The following CLVS1 variants were observed in gnomAD, a reference collection of about 807,000 sequenced individuals.
CLVS1 encodes the protein clavesin 1, also known as clavesin-1.
Under a neutral mutation model 33.1 loss-of-function variants are expected in CLVS1, and 10 were observed. The ratio of observed to expected loss-of-function variants is 0.30; its 90% CI spans 0.19 to 0.51. The LOEUF (loss-of-function observed/expected upper bound fraction) is 0.51. Ranked by LOEUF, CLVS1 falls within the 20% of genes least tolerant of loss-of-function variation. CLVS1 has a pLI of 0.97. For missense variants in CLVS1, 343 were observed against 433.4 expected (o/e 0.79, Z 1.85); for synonymous variants, 163 against 166.1 (o/e 0.98, Z 0.14).
In CLVS1 at chr8:61,347,488, A is replaced by C. The variant is rs548705205; in HGVS notation, c.456-29117A>C. Among the ~76,000 whole-genome samples, 6 of 151,740 alleles carry C rather than the reference A, an allele frequency of 4.0e-5. No homozygotes were observed. The South Asian group carries it at 1.3e-3, about 32-fold the overall frequency. ...TGGCATGTGGGGGGCTGGGGATATTAATATATGTTGGTCAAAGGATATAGA... is the reference window on the plus strand; with the variant it reads ...TGGCATGTGGGGGGCTGGGGATATTCATATATGTTGGTCAAAGGATATAGA... On this transcript the variant is annotated intron_variant, in intron 2 of 5. Coordinates refer to ENST00000325897, the MANE Select transcript of CLVS1 (RefSeq NM_173519.3).
chr8:61,263,534 T>C (rs1462811241), intron 2 of CLVS1, among the ~76,000 whole-genome samples: 1 of 152,226 alleles, frequency 6.6e-6, no homozygotes, highest in African/African-American at 2.4e-5. Context: ...CATGATGTAC[T>C]GAGATTCAAC....
chr8:61,376,167 C>T (rs993507066), intron 2 of CLVS1, among the ~76,000 whole-genome samples: 1 of 152,170 alleles, frequency 6.6e-6, no homozygotes, highest in Non-Finnish European at 1.5e-5. Flanking sequence ...AAATAAACAC[C>T]TCTGATTGAG....
chr8:61,255,851 A>G (rs566577997), intron 2 of CLVS1, among the ~76,000 whole-genome samples: 1 of 152,370 alleles, frequency 6.6e-6, no homozygotes, highest in Non-Finnish European at 1.5e-5. Flanking sequence ...TCAAAGTATC[A>G]TCTTTGGCTT....
intron 2 of CLVS1, among the ~76,000 whole-genome samples, chr8:61,243,586 G>C (rs1174510423): frequency 6.6e-6 from 1 of 152,134 alleles, no homozygotes; most frequent in Non-Finnish European, 1.5e-5. Flanking sequence ...TAGTTTTTCT[G>C]ATTTATCTAT....
At chr8:61,037,543 T>C in the CLVS1 span, among the ~76,000 whole-genome samples, 12,139 of 152,292 alleles carry the variant, frequency 0.08, 582 homozygotes, top group South Asian at 0.16. Flanking sequence ...TTGATGGACA[T>C]GCGTGTTGTT....
chr8:60,981,987 A>G, the CLVS1 span, among the ~76,000 whole-genome samples: 1 of 152,212 alleles, frequency 6.6e-6, no homozygotes, highest in Non-Finnish European at 1.5e-5. Context: ...ATTTTGCTGG[A>G]TGCTTCCTAT....
chr8:61,299,448 G>A (rs1225993040), intron 1 of CLVS1, among the ~76,000 whole-genome samples: 3 of 152,140 alleles, frequency 2.0e-5, no homozygotes, highest in Non-Finnish European at 2.9e-5. Context: ...GAACTGAAAC[G>A]TTCCCAAACA....
chr8:61,178,094 C>A (rs1242398631), intron 2 of CLVS1, among the ~76,000 whole-genome samples: 1 of 152,038 alleles, frequency 6.6e-6, no homozygotes, highest in Non-Finnish European at 1.5e-5. Flanking sequence ...AAGCTAAGAA[C>A]CTTGATAAAA....
At chr8:61,240,286 G>C (rs1808665136) in intron 2 of CLVS1, among the ~76,000 whole-genome samples, 1 of 152,108 alleles carries the variant, frequency 6.6e-6, no homozygotes, top group South Asian at 2.1e-4. Context: ...CGTGCTCTCT[G>C]TGCTCAACTC....
At chr8:61,312,529 CTT>C (rs1265426975) in intron 2 of CLVS1, among the ~76,000 whole-genome samples, 2 of 152,148 alleles carry the variant, frequency 1.3e-5, no homozygotes, top group Non-Finnish European at 2.9e-5. Context: ...TTTCTCTTCT[CTT>C]TGCTACTATT....
At chr8:61,190,869 G>A (rs1366509745) in intron 2 of CLVS1, among the ~76,000 whole-genome samples, 1 of 152,178 alleles carries the variant, frequency 6.6e-6, no homozygotes, top group African/African-American at 2.4e-5. Flanking sequence ...CTCTGAAATT[G>A]AGGCAATAAT....
At chr8:60,969,252 G>C in the CLVS1 span, among the ~76,000 whole-genome samples, 1 of 152,228 alleles carries the variant, frequency 6.6e-6, no homozygotes, top group Non-Finnish European at 1.5e-5. Context: ...TAGTCAGGCA[G>C]TGTCTGGTGG....
At chr8:60,966,039 T>C in the CLVS1 span, 1 of 179,332 alleles carries the variant, frequency 5.6e-6, no homozygotes, top group South Asian at 1.1e-4. Context: ...CTCCAACTCC[T>C]GACCTCAGGT....
intron 5 of CLVS1, among the ~76,000 whole-genome samples, chr8:61,484,763 A>C (rs1220495547): frequency 1.3e-5 from 2 of 152,228 alleles, no homozygotes; most frequent in Non-Finnish European, 2.9e-5. Context: ...CCAATGGAAC[A>C]GAACAGAGCC....
intron 2 of CLVS1, among the ~76,000 whole-genome samples, chr8:61,273,192 T>C (rs1391422045): frequency 1.3e-5 from 2 of 149,972 alleles, no homozygotes; most frequent in Admixed American, 6.6e-5. Flanking sequence ...TTTCTGTTTG[T>C]TAGTTTTCCT....
chr8:61,140,929 G>T (rs543475479), intron 2 of CLVS1, among the ~76,000 whole-genome samples: 9 of 152,184 alleles, frequency 5.9e-5, no homozygotes, highest in Non-Finnish European at 1.2e-4. Flanking sequence ...ACGTATTACA[G>T]TTGTGGGACC....
intron 1 of CLVS1, among the ~76,000 whole-genome samples, chr8:61,104,390 T>C (rs1805499724): frequency 6.6e-6 from 1 of 152,240 alleles, no homozygotes; most frequent in African/African-American, 2.4e-5. Context: ...TGTATGTCTC[T>C]CTTGCAGTAG....
intron 1 of CLVS1, among the ~76,000 whole-genome samples, chr8:61,083,869 C>A (rs4738862): frequency 0.3 from 45,615 of 151,830 alleles, 7,306 homozygotes; most frequent in East Asian, 0.58. Flanking sequence ...AAATGAATTC[C>A]TGGTGGGATT....
At chr8:60,997,176 G>T in the CLVS1 span, among the ~76,000 whole-genome samples, 9 of 152,276 alleles carry the variant, frequency 5.9e-5, no homozygotes, top group African/African-American at 1.9e-4. Context: ...AGGTGTGTGT[G>T]GCGGGGGATG....
Sources: gnomAD v4.1 joint callset for allele counts (sites outside exome capture counted in the v4.1 genomes callset) on GRCh38, gnomAD v4.1.1 for gene constraint, MANE v1.5 for transcripts, NCBI Gene and HGNC (gene_info 2026-07-23, HGNC 2026-07-21) for gene names.